Variants in NDUFV1 observed in about 807,000 individuals in gnomAD.
NDUFV1 encodes NADH dehydrogenase [ubiquinone] flavoprotein 1, mitochondrial.
Under a neutral mutation model 48.7 loss-of-function variants are expected in NDUFV1, and 41 were observed. That is an observed-to-expected ratio of 0.84 (90% confidence interval 0.66 to 1.09). The LOEUF (loss-of-function observed/expected upper bound fraction) is 1.09. Ranked by LOEUF, NDUFV1 falls within the 50% of genes least tolerant of loss-of-function variation. The probability of loss-of-function intolerance (pLI) is 0.00; values close to 1 mark genes in which losing one functional copy is unlikely to be tolerated. For synonymous variants in NDUFV1, 231 were observed against 259.1 expected, an observed-to-expected ratio of 0.89 and a Z score of 1.04; for missense variants, 580 against 645.4, an observed-to-expected ratio of 0.90 and a Z score of 1.10.
intron 4 of NDUFV1, chr11:67,609,983 A>C (rs747178551): frequency 1.5e-4 from 55 of 356,016 alleles, no homozygotes; most frequent in Admixed American, 1.3e-3. Flanking sequence ...CATTATGTTC[A>C]TTGCTTGGAA....
Position 67,610,477 on chromosome 11 carries a change from GC to G in NDUFV1, c.609del (p.Tyr204ThrfsTer22). The G allele has an allele frequency of 6.2e-7, 1 of 1,614,194 alleles. No homozygotes were observed. The highest frequency in any genetic ancestry group is 1.1e-5 in the South Asian group (1 of 91,084). On this transcript the variant is annotated frameshift_variant, in exon 5 of 10. Coordinates refer to ENST00000322776, the MANE Select transcript of NDUFV1 (RefSeq NM_007103.4). LOFTEE classifies it high-confidence loss of function. ...FDVFVVRGAG[A>X]YICGEETALI... ...CGTGTTTGTGGTGCGCGGGGCTGGGGCCTACATCTGTGGAGAGGAGACAGCG... is the reference window on the plus strand; with the variant it reads ...CGTGTTTGTGGTGCGCGGGGCTGGGGCTACATCTGTGGAGAGGAGACAGCG...
chr11:67,611,396 G>A lies in NDUFV1; in HGVS notation c.914-7G>A, dbSNP rs1854912380. Reference sequence around the variant, plus strand: ...GCATCCCTTTGGGGACCGACTTGGGGCCCCAGGGGGTGTCACGGGCGGCTG... The same window carrying A: ...GCATCCCTTTGGGGACCGACTTGGGACCCCAGGGGGTGTCACGGGCGGCTG... On this transcript the variant is annotated splice_polypyrimidine_tract_variant and splice_region_variant and intron_variant, in intron 6 of 9. Coordinates refer to ENST00000322776, the MANE Select transcript of NDUFV1 (RefSeq NM_007103.4). The surrounding 1 kb of genome is among the most constrained non-coding windows in gnomAD (Gnocchi z 4.2). 6.2e-7 allele frequency: 1 copy of A among 1,612,870 alleles called. No homozygotes were observed. Among genetic ancestry groups the A allele is most frequent in the African/African-American group, 1.3e-5 (1 of 74,880 alleles).
At chr11:67,610,692 T>G (rs1854897264) in intron 5 of NDUFV1, 122 bp downstream of exon 5, 1 of 1,363,976 alleles carries the variant, frequency 7.3e-7, no homozygotes, top group African/African-American at 1.4e-5. Context: ...AGATAGAGAG[T>G]AGGCTGGCAA....
At position 67,612,440 on chromosome 11, in the gene NDUFV1, C is replaced by T; in HGVS notation, c.1377C>T (p.Ala459=). The T allele has an allele frequency of 1.9e-6, 3 of 1,611,952 alleles. No homozygotes were observed. The highest frequency in any genetic ancestry group is 1.7e-6 in the Non-Finnish European group (2 of 1,179,872). Residue 459 remains alanine (A), a synonymous_variant, in exon 10 of 10, where the codon GCC becomes GCT. Transcript: ENST00000322776. The surrounding 1 kb of genome is among the most constrained non-coding windows in gnomAD (Gnocchi z 4.4). The stretch of plus-strand genomic sequence containing the variant: ...AGCGGTTTGCCCAGCAGCATCAGGC[C>T]CGGCAGGCTGCCTCTTAGCCCACCA... ...RMQRFAQQHQ[A]RQAAS
Position 67,612,273 on chromosome 11 carries a change from C to A in NDUFV1, c.1308+8C>A, listed in dbSNP as rs1295804665. On this transcript the variant is annotated splice_region_variant and intron_variant, in intron 9 of 9. Coordinates refer to ENST00000322776, the MANE Select transcript of NDUFV1 (RefSeq NM_007103.4). This position sits in a 1 kb window ranked among gnomAD's most constrained non-coding sequence, Gnocchi z 4.4. ...GCCGCCTGGCCTGTGCAGGTATTCA[C>A]CACCCTTCTGCGTAGCACGGAGGGT... The A allele has an allele frequency of 6.2e-7, 1 of 1,613,928 alleles. No homozygotes were observed. Among genetic ancestry groups the A allele is most frequent in the Admixed American group, 1.7e-5 (1 of 60,018 alleles).
intron 5 of NDUFV1, 128 bp downstream of exon 5, chr11:67,610,698 G>T (rs984380613): frequency 2.2e-5 from 29 of 1,325,484 alleles, no homozygotes; most frequent in Non-Finnish European, 1.6e-5. Flanking sequence ...AGAGTAGGCT[G>T]GCAACAACAC....
Position 67,611,747 on chromosome 11 carries a change from G to A in NDUFV1, c.1081-150G>A. On this transcript the variant is annotated intron_variant, in intron 7 of 9. Coordinates refer to ENST00000322776, the MANE Select transcript of NDUFV1 (RefSeq NM_007103.4). The surrounding 1 kb of genome is among the most constrained non-coding windows in gnomAD (Gnocchi z 4.2). The stretch of plus-strand genomic sequence containing the variant: ...AGGAGAATACCCCGGAGTCTGGGCA[G>A]CACAGGGGGCCCAGGGAGGCTGGAG... 1.5e-6 allele frequency: 2 copies of A among 1,365,930 alleles called. No homozygotes were observed. Among genetic ancestry groups the A allele is most frequent in the East Asian group, 2.4e-5 (1 of 40,824 alleles). 84.6% of individuals were successfully genotyped at this position (1,365,930 alleles called of 1,614,324 possible).
rs768399541 is a variant in NDUFV1, at chr11:67,608,708, G to A, written c.312G>A (p.Lys104=). The change falls in exon 3 of 10, where the codon AAG becomes AAA. Residue 104 remains lysine, a synonymous_variant. Coordinates refer to ENST00000322776, the MANE Select transcript of NDUFV1 (RefSeq NM_007103.4). ...PTGLKWSFMN[K]PSDGRPKYLV... is the part of the protein sequence containing the mutation. Reference sequence around the variant, plus strand: ...GCCTCAAGTGGAGCTTCATGAATAAGCCCTCAGATGGCAGGTGTGTGTGTG... The same window carrying A: ...GCCTCAAGTGGAGCTTCATGAATAAACCCTCAGATGGCAGGTGTGTGTGTG... 10 of 1,613,954 alleles carry A rather than the reference G, an allele frequency of 6.2e-6. No homozygotes were observed. The highest frequency in any genetic ancestry group is 8.5e-6 in the Non-Finnish European group (10 of 1,179,928).
intron 3 of NDUFV1, 58 bp from the exon 4 acceptor site, chr11:67,609,394 G>A (rs956639509): frequency 8.9e-6 from 14 of 1,569,866 alleles, no homozygotes; most frequent in Non-Finnish European, 9.6e-6. Context: ...GGGTGGCATG[G>A]AGTTGAAGAC....
chr11:67,610,130 G>T lies in NDUFV1; in HGVS notation c.511-251G>T, dbSNP rs1447387714. 5 of 558,450 alleles carry T rather than the reference G, an allele frequency of 9.0e-6. No individual in the cohort carries two copies. In the East Asian group the frequency reaches 1.2e-4, roughly 14 times the overall value. The allele number at this position is 558,450 out of a possible 1,614,324, so 34.6% of individuals were successfully genotyped here. A position where few individuals can be genotyped will look rare whatever the true frequency, so the allele number is the denominator to read the frequency against. On this transcript the variant is annotated intron_variant, in intron 4 of 9. Transcript: ENST00000322776. ...CCTTTACAGACTAGGGTAGTTAGGA[G>T]ACCTGATAGTAGCTACTTCGTTTTT...
rs202062530 is a variant in NDUFV1, at chr11:67,608,377, T to C, written c.73-19T>C. 40 of 1,610,968 alleles carry C rather than the reference T, an allele frequency of 2.5e-5. No individual in the cohort carries two copies. In the African/African-American group the frequency reaches 5.1e-4, roughly 20 times the overall value. On this transcript the variant is annotated intron_variant, in intron 1 of 9. Transcript: ENST00000322776. ...TGGCCCCAGAGCACTCTGGGCCTCCTGACCCTTTGTCTCCCTAGACAGCAC... is the reference window on the plus strand; with the variant it reads ...TGGCCCCAGAGCACTCTGGGCCTCCCGACCCTTTGTCTCCCTAGACAGCAC...
rs769415122 is a variant in NDUFV1, at chr11:67,611,545, T to TG, written c.1057dup (p.Ala353GlyfsTer20). 6.2e-7 allele frequency: 1 copy of TG among 1,609,794 alleles called. No homozygotes were observed. Among genetic ancestry groups the TG allele is most frequent in the South Asian group, 1.1e-5 (1 of 90,110 alleles). On this transcript the variant is annotated frameshift_variant, in exon 7 of 10. Coordinates refer to ENST00000322776, the MANE Select transcript of NDUFV1 (RefSeq NM_007103.4). LOFTEE classifies it high-confidence loss of function. This position sits in a 1 kb window ranked among gnomAD's most constrained non-coding sequence, Gnocchi z 4.2. ...AGGCACAGACAGGCCTGGGCACAGCTGCGGTGATCGTCATGGACCGCTCGG... is the reference window on the plus strand; with the variant it reads ...AGGCACAGACAGGCCTGGGCACAGCTGGCGGTGATCGTCATGGACCGCTCGG...
chr11:67,608,468 C>CA lies in NDUFV1; in HGVS notation c.146dup (p.His49GlnfsTer2). The CA allele has an allele frequency of 6.2e-7, 1 of 1,614,168 alleles. No homozygotes were observed. Among genetic ancestry groups the CA allele is most frequent in the East Asian group, 2.2e-5 (1 of 44,884 alleles). On this transcript the variant is annotated frameshift_variant, in exon 2 of 10. Coordinates refer to ENST00000322776, the MANE Select transcript of NDUFV1 (RefSeq NM_007103.4). LOFTEE classifies it high-confidence loss of function. ...GATTTTCACCAACCTGTACGGCCGCCATGACTGGAGGTGAGACAGTGCCCT... is the reference window on the plus strand; with the variant it reads ...GATTTTCACCAACCTGTACGGCCGCCAATGACTGGAGGTGAGACAGTGCCCT...
chr11:67,610,091 G>A lies in NDUFV1; in HGVS notation c.511-290G>A, dbSNP rs2514064. On this transcript the variant is annotated intron_variant, in intron 4 of 9. Coordinates refer to ENST00000322776, the MANE Select transcript of NDUFV1 (RefSeq NM_007103.4). The stretch of plus-strand genomic sequence containing the variant: ...TTACATTTTTATTTTAATTTTATAA[G>A]GACTTTTATTTTTCCTTTACAGACT... The A allele has an allele frequency of 0.98, 429,093 of 437,670 alleles. 210,863 individuals are homozygous for A. The highest frequency in any genetic ancestry group is 1 in the East Asian group (22,889 of 22,892). 27.1% of individuals were successfully genotyped at this position (437,670 alleles called of 1,614,324 possible).
chr11:67,607,726 G>C, intron 1 of NDUFV1: 1 of 341,188 alleles, frequency 2.9e-6, no homozygotes, highest in Non-Finnish European at 5.8e-6. Context: ...GTGGTGCCGT[G>C]ATGCAGCTGT....
chr11:67,609,421 T>C (rs968986143), intron 3 of NDUFV1, 31 bp from the exon 4 acceptor site: 2 of 1,611,552 alleles, frequency 1.2e-6, no homozygotes, highest in Admixed American at 1.7e-5. Flanking sequence ...CTGATGGCCC[T>C]GTAGCCTGTC....
In NDUFV1 at chr11:67,607,089, C is replaced by T. The variant is rs1389357497; in HGVS notation, c.72+13C>T. ...CAGCGGCGACACGGTGAGGCCCAGCCTGGCTGGGGCCACGGGTGTTTGGGG... is the reference window on the plus strand; with the variant it reads ...CAGCGGCGACACGGTGAGGCCCAGCTTGGCTGGGGCCACGGGTGTTTGGGG... On this transcript the variant is annotated intron_variant, in intron 1 of 9. Coordinates refer to ENST00000322776, the MANE Select transcript of NDUFV1 (RefSeq NM_007103.4). The T allele has an allele frequency of 1.2e-6, 2 of 1,602,112 alleles. No individual in the cohort carries two copies. The highest frequency in any genetic ancestry group is 1.1e-5 in the South Asian group (1 of 90,404).
intron 5 of NDUFV1, 114 bp from the exon 6 acceptor site, chr11:67,610,881 G>T: frequency 2.0e-6 from 2 of 1,016,082 alleles, no homozygotes; most frequent in East Asian, 2.4e-5. Flanking sequence ...GAATGATAAG[G>T]GGATATTAGA....
chr11:67,611,157 T>C lies in NDUFV1; in HGVS notation c.863T>C (p.Val288Ala). 2 of 1,613,982 alleles carry C rather than the reference T, an allele frequency of 1.2e-6. No individual in the cohort carries two copies. Among genetic ancestry groups the C allele is most frequent in the Non-Finnish European group, 1.7e-6 (2 of 1,179,984 alleles). ...GGCCATGTCAACCACCCTTGCACTG[T>C]GGAGGAGGAGATGTCTGTGCCCTTG... Reference protein sequence around the residue: ...ISGHVNHPCTVEEEMSVPLKE... With the variant: ...ISGHVNHPCTAEEEMSVPLKE... The change falls in exon 6 of 10, where the codon GTG becomes GCG. Residue 288 changes from valine to alanine, a missense_variant. Transcript: ENST00000322776. The surrounding 1 kb of genome is among the most constrained non-coding windows in gnomAD (Gnocchi z 4.2).
Sources: allele counts gnomAD v4.1 joint callset, GRCh38; gene constraint gnomAD v4.1.1; non-coding constraint Gnocchi (gnomAD v3.1); transcripts MANE v1.5; gene names NCBI Gene and HGNC (gene_info 2026-07-23, HGNC 2026-07-21).